Variants in RIC1 observed in about 807,000 individuals in gnomAD.
The protein encoded by RIC1 is guanine nucleotide exchange factor subunit RIC1.
RIC1 carries 88 observed loss-of-function variants against 169.0 expected under a neutral mutation model. The observed-to-expected ratio is 0.52, with a 90% confidence interval of 0.44 to 0.62. RIC1 has a LOEUF of 0.62. RIC1 is among the 20% of genes least tolerant of loss of function. The pLI is 0.00. For synonymous variants in RIC1, 790 were observed against 601.5 expected, an observed-to-expected ratio of 1.31 and a Z score of -4.59; for missense variants, 1,877 against 1,725.5, an observed-to-expected ratio of 1.09 and a Z score of -1.56.
intron 3 of RIC1, among the ~76,000 whole-genome samples, chr9:5,710,160 A>ACCTGCAAACTCAGAAAGGC (rs1822849779): frequency 6.6e-6 from 1 of 152,222 alleles, no homozygotes. Context: ...ACCTTGTTTT[A>ACCTGCAAACTCAGAAAGGC]CCTGCAAACT....
downstream of RIC1, among the ~76,000 whole-genome samples, chr9:5,777,527 G>C (rs1827657694): frequency 6.6e-6 from 1 of 151,824 alleles, no homozygotes; most frequent in Non-Finnish European, 1.5e-5. Flanking sequence ...AATGTCCTTT[G>C]AAACACTGTT....
intron 2 of RIC1, among the ~76,000 whole-genome samples, chr9:5,680,815 ATTTTTTTTTTTTT>A (rs66478510): frequency 0.063 from 3,647 of 57,928 alleles, 208 homozygotes; most frequent in African/African-American, 0.2. Context: ...GCAGTCATTG[ATTTTTTTTTTTTT>A]TTTTTTTTTT....
chr9:5,660,001 G>A (rs531253385), intron 2 of RIC1, among the ~76,000 whole-genome samples: 11 of 152,032 alleles, frequency 7.2e-5, no homozygotes, highest in African/African-American at 1.7e-4. Context: ...CTCATCCTGC[G>A]CCCTGCCCCT....
chr9:5,690,131 A>T, intron 3 of RIC1, 93 bp downstream of exon 3: 1 of 744,066 alleles, frequency 1.3e-6, no homozygotes, highest in Non-Finnish European at 2.1e-6. Context: ...TAGTGATTAG[A>T]ATAAAACTAA....
chr9:5,663,521 C>T (rs768454928), intron 2 of RIC1, among the ~76,000 whole-genome samples: 14 of 152,104 alleles, frequency 9.2e-5, no homozygotes, highest in Non-Finnish European at 1.3e-4. Flanking sequence ...ACTGTGTGTG[C>T]ATATATGGAG....
intron 7 of RIC1, among the ~76,000 whole-genome samples, chr9:5,738,065 T>G (rs1824836544): frequency 6.6e-6 from 1 of 152,166 alleles, no homozygotes; most frequent in South Asian, 2.1e-4. Context: ...TCGCTATCCA[T>G]GTGGCTAAAG....
intron 4 of RIC1, among the ~76,000 whole-genome samples, chr9:5,715,796 C>T (rs527567507): frequency 2.5e-4 from 38 of 150,706 alleles, no homozygotes; most frequent in African/African-American, 9.3e-4. Flanking sequence ...CCTCCCCTCC[C>T]TTCCCCTCCC....
At chr9:5,665,386 C>T (rs1819693412) in intron 2 of RIC1, among the ~76,000 whole-genome samples, 1 of 152,280 alleles carries the variant, frequency 6.6e-6, no homozygotes. Context: ...TTAAAACTTG[C>T]TCCTTTAGCT....
chr9:5,734,360 T>C (rs1334040378), intron 7 of RIC1, among the ~76,000 whole-genome samples: 1 of 151,924 alleles, frequency 6.6e-6, no homozygotes, highest in African/African-American at 2.4e-5. Flanking sequence ...CACCTCGGCC[T>C]CCCAAAGTGC....
At chr9:5,777,645 C>A (rs1159117883), downstream of RIC1, among the ~76,000 whole-genome samples, 1 of 152,032 alleles carries the variant, frequency 6.6e-6, no homozygotes, top group Admixed American at 6.6e-5. Flanking sequence ...ACATTTAGGT[C>A]TTTGATCCAT....
At chr9:5,659,514 C>G (rs116545768) in intron 2 of RIC1, among the ~76,000 whole-genome samples, 102 of 152,246 alleles carry the variant, frequency 6.7e-4, no homozygotes, top group African/African-American at 2.3e-3. Context: ...GAGCCAGTCC[C>G]TAAGATGCTA....
rs1035020096 is a variant in RIC1 at position 5,774,689 on chromosome 9, C to T, written c.*443C>T. ...AGGTACTTGAGCTACCTGTTTGCTC[C>T]CTTGGATACAGCTGGACTCTTTAAT... On this transcript the variant is annotated 3_prime_UTR_variant, in exon 26 of 26. Transcript: ENST00000414202. The T allele has an allele frequency of 2.6e-5, 4 of 156,706 alleles. No homozygotes were observed. Among genetic ancestry groups the T allele is most frequent in the Admixed American group, 2.5e-4 (4 of 16,218 alleles). 9.7% of individuals were successfully genotyped at this position (156,706 alleles called of 1,614,324 possible).
chr9:5,736,133 T>C (rs1166804369), intron 7 of RIC1, among the ~76,000 whole-genome samples: 1 of 152,220 alleles, frequency 6.6e-6, no homozygotes, highest in Non-Finnish European at 1.5e-5. Flanking sequence ...CTCACTAACA[T>C]TTTAGAGCTC....
rs1823504342 is a variant in RIC1, at chr9:5,720,244, A to C, written c.503A>C (p.His168Pro). The change falls in exon 5 of 26, where the codon CAC (histidine) becomes CCC (proline). Residue 168 changes from histidine (H) to proline (P), a missense_variant. By Grantham distance (77) the His-to-Pro change is moderately conservative. Transcript: ENST00000414202. ...ATSDGLLHLI[H>P]WEGMTNGRKA... is the part of the protein sequence containing the mutation. ...TCTGATGGACTTCTTCATCTTATTC[A>C]CTGGGAAGGAATGACAAATGGAAGG... 6.2e-7 allele frequency: 1 copy of C among 1,613,114 alleles called. No individual in the cohort carries two copies. Among genetic ancestry groups the C allele is most frequent in the African/African-American group, 1.3e-5 (1 of 74,896 alleles).
At chr9:5,672,632 A>G (rs1379218060) in intron 2 of RIC1, among the ~76,000 whole-genome samples, 1 of 152,230 alleles carries the variant, frequency 6.6e-6, no homozygotes, top group African/African-American at 2.4e-5. Context: ...ACAAGACAGA[A>G]CAAGTATTAG....
chr9:5,664,425 T>A (rs1160522562), intron 2 of RIC1, among the ~76,000 whole-genome samples: 1 of 151,668 alleles, frequency 6.6e-6, no homozygotes, highest in Non-Finnish European at 1.5e-5. Flanking sequence ...AAAAAAAGAA[T>A]GTTTAATATT....
intron 17 of RIC1, among the ~76,000 whole-genome samples, chr9:5,761,013 CA>C (rs1826295943): frequency 1.3e-5 from 2 of 151,772 alleles, no homozygotes; most frequent in Admixed American, 6.6e-5. Context: ...TTTTGTCTTC[CA>C]AAAGCTCAGG....
At chr9:5,714,594 T>A (rs1166127502) in intron 4 of RIC1, among the ~76,000 whole-genome samples, 5 of 152,192 alleles carry the variant, frequency 3.3e-5, no homozygotes, top group Admixed American at 3.3e-4. Flanking sequence ...TGTGTAGATA[T>A]AAGAAAATTT....
At chr9:5,708,039 C>G (rs1402903913) in intron 3 of RIC1, among the ~76,000 whole-genome samples, 2 of 151,874 alleles carry the variant, frequency 1.3e-5, no homozygotes, top group Admixed American at 6.6e-5. Context: ...CATTTCAACT[C>G]CTTTCTCATT....
Sources: allele counts gnomAD v4.1 joint callset (sites outside exome capture counted in the v4.1 genomes callset), GRCh38; gene constraint gnomAD v4.1.1; transcripts MANE v1.5; gene names NCBI Gene and HGNC (gene_info 2026-07-23, HGNC 2026-07-21).